Variants in NUBPL observed in about 807,000 individuals in gnomAD.
NUBPL encodes the protein NUBP iron-sulfur cluster assembly factor, mitochondrial, also known as iron-sulfur cluster transfer protein NUBPL.
NUBPL carries 31 observed loss-of-function variants against 45.7 expected under a neutral mutation model. The ratio of observed to expected loss-of-function variants is 0.68; its 90% confidence interval spans 0.51 to 0.92. The LOEUF is 0.92. NUBPL is among the 40% of genes least tolerant of loss of function. The pLI is 0.00. For synonymous variants in NUBPL, 144 were observed against 140.9 expected (o/e 1.02, Z -0.15); for missense variants, 401 against 398.7 (o/e 1.01, Z -0.05).
chr14:31,858,991 C>G (rs931084786), intron 10 of NUBPL, 127 bp from the exon 11 acceptor site: 2 of 758,760 alleles, frequency 2.6e-6, no homozygotes, highest in African/African-American at 3.5e-5. Flanking sequence ...CTTCTCAATA[C>G]TGAATTTCCT....
chr14:31,854,376 ATGTG>A (rs1353740242), intron 10 of NUBPL, among the ~76,000 whole-genome samples: 1 of 152,188 alleles, frequency 6.6e-6, no homozygotes, highest in Admixed American at 6.5e-5. Context: ...TACATATGAT[ATGTG>A]TGTGTGTTAC....
chr14:31,730,115 A>G (rs2038017364), intron 6 of NUBPL, among the ~76,000 whole-genome samples: 1 of 152,210 alleles, frequency 6.6e-6, no homozygotes, highest in African/African-American at 2.4e-5. Flanking sequence ...TATTCATGCT[A>G]AGGACAATTT....
rs138333095 is a variant in NUBPL, at chr14:31,805,073, CA to C, written c.607+17209del. Among the ~76,000 whole-genome samples the C allele has an allele frequency of 8.7e-5, 13 of 149,516 alleles. No individual in the cohort carries two copies. The East Asian group carries it at 1.2e-3, about 14-fold the overall frequency. On this transcript the variant is annotated intron_variant, in intron 7 of 10. Transcript: ENST00000281081. The stretch of plus-strand genomic sequence containing the variant: ...TAATATCCAGCATCTATTTACAAGA[CA>C]AAAAAAAACATTAAAAAGTGGGCAA...
chr14:31,852,849 C>G (rs112970076), intron 10 of NUBPL, among the ~76,000 whole-genome samples: 41 of 152,210 alleles, frequency 2.7e-4, no homozygotes, highest in African/African-American at 9.6e-4. Flanking sequence ...CTTCCCTTTC[C>G]CCCGTGAACT....
At chr14:31,653,334 G>A (rs1198614718) in intron 4 of NUBPL, among the ~76,000 whole-genome samples, 2 of 152,088 alleles carry the variant, frequency 1.3e-5, no homozygotes, top group Non-Finnish European at 2.9e-5. Flanking sequence ...AGGAGACCAG[G>A]GCGTACTTTG....
At chr14:31,749,532 T>C (rs1428796221) in intron 6 of NUBPL, among the ~76,000 whole-genome samples, 1 of 152,216 alleles carries the variant, frequency 6.6e-6, no homozygotes, top group Non-Finnish European at 1.5e-5. Context: ...TATTCTCTTC[T>C]GGTGGGTGAG....
At chr14:31,839,367 G>T (rs1046110740) in intron 8 of NUBPL, among the ~76,000 whole-genome samples, 1 of 152,108 alleles carries the variant, frequency 6.6e-6, no homozygotes, top group Non-Finnish European at 1.5e-5. Flanking sequence ...ATGGAGAAAG[G>T]ACAGTTGCTT....
intron 6 of NUBPL, among the ~76,000 whole-genome samples, chr14:31,733,098 AG>A (rs1378857140): frequency 1.3e-5 from 2 of 152,140 alleles, no homozygotes; most frequent in Admixed American, 6.5e-5. Flanking sequence ...ACAGATGTCC[AG>A]TTTTCCAGAA....
chr14:31,836,513 G>A (rs137908262), intron 8 of NUBPL, among the ~76,000 whole-genome samples: 97 of 152,188 alleles, frequency 6.4e-4, no homozygotes, highest in African/African-American at 2.3e-3. Flanking sequence ...CTTATTTGGC[G>A]GGGAAGACAT....
At chr14:31,760,906 A>T (rs2038793772) in intron 6 of NUBPL, among the ~76,000 whole-genome samples, 1 of 152,100 alleles carries the variant, frequency 6.6e-6, no homozygotes, top group South Asian at 2.1e-4. Context: ...TGGTGTAGTT[A>T]TGGCACACTC....
intron 7 of NUBPL, among the ~76,000 whole-genome samples, chr14:31,788,241 G>C (rs960179977): frequency 1.3e-5 from 2 of 152,150 alleles, no homozygotes; most frequent in Non-Finnish European, 2.9e-5. Flanking sequence ...GTAGCAGCAA[G>C]GGTTAAGTAG....
chr14:31,639,931 C>T lies in NUBPL; in HGVS notation c.383-33424C>T, dbSNP rs561930405. On this transcript the variant is annotated intron_variant, in intron 4 of 10. Coordinates refer to ENST00000281081, the MANE Select transcript of NUBPL (RefSeq NM_025152.3). ...CTCCTGATGCGCCGTTTTTTAAGCC[C>T]GTTGGAAAAGCGCAGTATTAGGGTG... Among the ~76,000 whole-genome samples the T allele has an allele frequency of 1.2e-4, 19 of 152,248 alleles. No individual in the cohort carries two copies. The South Asian group carries it at 2.7e-3, about 22-fold the overall frequency.
At chr14:31,695,543 C>T (rs528657094) in intron 6 of NUBPL, among the ~76,000 whole-genome samples, 2 of 151,974 alleles carry the variant, frequency 1.3e-5, no homozygotes, top group Non-Finnish European at 2.9e-5. Flanking sequence ...GTGTTGGGGT[C>T]GTGAAGGGCT....
chr14:31,774,818 T>C (rs1278694850), intron 6 of NUBPL, among the ~76,000 whole-genome samples: 1 of 152,162 alleles, frequency 6.6e-6, no homozygotes. Context: ...TAATCAATCA[T>C]GCCCTCTCCC....
Position 31,804,165 on chromosome 14 carries a change from T to C in NUBPL, c.607+16292T>C, listed in dbSNP as rs79097084. Among the ~76,000 whole-genome samples, 377 of 152,310 alleles carry C rather than the reference T, an allele frequency of 2.5e-3. 5 individuals carry two copies. The highest frequency in any genetic ancestry group is 5.0e-3 in the East Asian group (26 of 5,188). On this transcript the variant is annotated intron_variant, in intron 7 of 10. Transcript: ENST00000281081. The stretch of plus-strand genomic sequence containing the variant: ...ATAATTTCTGCCCTCTATGAGTTTG[T>C]AAGCTAATATAGACACTAGTAGTAC...
intron 4 of NUBPL, among the ~76,000 whole-genome samples, chr14:31,659,761 G>T (rs922082967): frequency 2.6e-5 from 4 of 152,138 alleles, no homozygotes; most frequent in Admixed American, 2.0e-4. Flanking sequence ...TAGATTTTCT[G>T]AAAAGCTGAA....
chr14:31,777,150 T>C (rs955382162), intron 6 of NUBPL, among the ~76,000 whole-genome samples: 3 of 152,156 alleles, frequency 2.0e-5, no homozygotes, highest in Admixed American at 6.5e-5. Flanking sequence ...AAGAAGAGTA[T>C]GTGTATAACT....
intron 4 of NUBPL, among the ~76,000 whole-genome samples, chr14:31,623,116 A>G (rs1033161686): frequency 6.6e-6 from 1 of 152,286 alleles, no homozygotes; most frequent in South Asian, 2.1e-4. Flanking sequence ...GAGTCAAAGG[A>G]GTTTATTCTG....
intron 4 of NUBPL, among the ~76,000 whole-genome samples, chr14:31,621,696 A>G (rs1397330813): frequency 1.3e-5 from 2 of 152,008 alleles, no homozygotes; most frequent in Admixed American, 1.3e-4. Context: ...TTCTGCGTCG[A>G]TCTCGCTGGG....
Sources: gnomAD v4.1 joint callset for allele counts (sites outside exome capture counted in the v4.1 genomes callset) on GRCh38, gnomAD v4.1.1 for gene constraint, MANE v1.5 for transcripts, NCBI Gene and HGNC (gene_info 2026-07-23, HGNC 2026-07-21) for gene names.